Variants in ABHD2 observed in about 807,000 individuals in gnomAD.
ABHD2 encodes abhydrolase domain containing 2, acylglycerol lipase.
Under a neutral mutation model 48.1 loss-of-function variants are expected in ABHD2, and 20 were observed. That is an observed-to-expected ratio of 0.42 (90% CI 0.29 to 0.60). The LOEUF is 0.60. Ranked by LOEUF, ABHD2 falls within the 20% of genes least tolerant of loss-of-function variation. ABHD2 has a pLI of 0.24. For synonymous variants in ABHD2, 209 were observed against 214.2 expected, an observed-to-expected ratio of 0.98 and a Z score of 0.21; for missense variants, 405 against 550.9, an observed-to-expected ratio of 0.74 and a Z score of 2.65.
chr15:89,056,598 G>A, the ABHD2 span, among the ~76,000 whole-genome samples: 6 of 151,906 alleles, frequency 3.9e-5, no homozygotes, highest in African/African-American at 1.2e-4. Context: ...AGCCGAGTTC[G>A]CACCACTGCA....
intron 3 of ABHD2, among the ~76,000 whole-genome samples, chr15:89,122,825 G>C (rs11637307): frequency 0.33 from 49,722 of 152,136 alleles, 8,766 homozygotes; most frequent in Non-Finnish European, 0.4. Context: ...GCCAGTATGG[G>C]CTGTCTTATA....
rs563125433 is a variant in ABHD2, at chr15:89,197,920, C to A, written c.*2497C>A. 6.6e-6 allele frequency: 1 copy of A among 152,318 alleles called. No individual in the cohort carries two copies. The highest frequency in any genetic ancestry group is 1.5e-5 in the Non-Finnish European group (1 of 68,044). 9.4% of individuals were successfully genotyped at this position (152,318 alleles called of 1,614,324 possible). ...AAGCCCTTTGTTCAAGCTTCAGGCT[C>A]TTAGGCATGGAAATGAGAATGTGAC... On this transcript the variant is annotated 3_prime_UTR_variant, in exon 11 of 11. Coordinates refer to ENST00000352732, the MANE Select transcript of ABHD2 (RefSeq NM_152924.5). The surrounding 1 kb of genome is among the most constrained non-coding windows in gnomAD (Gnocchi z 4.4).
intron 1 of ABHD2, among the ~76,000 whole-genome samples, chr15:89,103,393 C>T (rs1459376593): frequency 6.6e-6 from 1 of 152,150 alleles, no homozygotes; most frequent in African/African-American, 2.4e-5. Context: ...CCTTCAGTTA[C>T]ACGTAAAGTA....
intron 3 of ABHD2, among the ~76,000 whole-genome samples, chr15:89,122,025 C>G (rs1297815929): frequency 6.6e-6 from 1 of 152,090 alleles, no homozygotes; most frequent in Non-Finnish European, 1.5e-5. Context: ...AGACAGAGCC[C>G]CATTATGTTG....
chr15:89,185,206 G>A lies in ABHD2; in HGVS notation c.723-218G>A, dbSNP rs2051185606. 6.6e-6 allele frequency among the ~76,000 whole-genome samples: 1 copy of A among 152,232 alleles called. No individual in the cohort carries two copies. The highest frequency in any genetic ancestry group is 1.5e-5 in the Non-Finnish European group (1 of 68,034). ...GCCTCTGGCGCTAGAGAGGGCCTTT[G>A]CCGGGGTCCCCTTCCCCTGCGCTGT... On this transcript the variant is annotated intron_variant, in intron 6 of 10. Coordinates refer to ENST00000352732, the MANE Select transcript of ABHD2 (RefSeq NM_152924.5). This position sits in a 1 kb window ranked among gnomAD's most constrained non-coding sequence, Gnocchi z 5.9.
the ABHD2 span, among the ~76,000 whole-genome samples, chr15:89,059,184 C>G: frequency 5.3e-5 from 8 of 152,272 alleles, no homozygotes; most frequent in Middle Eastern, 3.4e-3. Flanking sequence ...CTCTGCTGTA[C>G]CTGGTCACAG....
At chr15:89,191,559 T>C (rs760942435) in intron 9 of ABHD2, among the ~76,000 whole-genome samples, 22 of 152,160 alleles carry the variant, frequency 1.4e-4, no homozygotes, top group Non-Finnish European at 2.8e-4. Flanking sequence ...CCTGCCATGA[T>C]CTGGTAAGCA....
intron 3 of ABHD2, among the ~76,000 whole-genome samples, chr15:89,118,192 T>G (rs1018418305): frequency 6.7e-6 from 1 of 148,958 alleles, no homozygotes; most frequent in Admixed American, 6.8e-5. Flanking sequence ...TTTTTCTTTC[T>G]TTTTTTTTTG....
rs1350068519 is a variant in ABHD2, at chr15:89,176,857, T to C, written c.722+862T>C. Among the ~76,000 whole-genome samples, 1 of 152,258 alleles carries C rather than the reference T, an allele frequency of 6.6e-6. No individual in the cohort carries two copies. Among genetic ancestry groups the C allele is most frequent in the East Asian group, 1.9e-4 (1 of 5,208 alleles). ...AAAACACCTCCCTATTGATCCAGTCTAATGCCAAACAGTCCTTATCGTTAT... is the reference window on the plus strand; with the variant it reads ...AAAACACCTCCCTATTGATCCAGTCCAATGCCAAACAGTCCTTATCGTTAT... On this transcript the variant is annotated intron_variant, in intron 6 of 10. Transcript: ENST00000352732. This position sits in a 1 kb window ranked among gnomAD's most constrained non-coding sequence, Gnocchi z 4.5.
At chr15:89,101,993 C>T (rs28607316) in intron 1 of ABHD2, among the ~76,000 whole-genome samples, 5,315 of 152,268 alleles carry the variant, frequency 0.035, 309 homozygotes, top group African/African-American at 0.12. Flanking sequence ...AAGGCAGCAC[C>T]TGTGTAGCGT....
intron 3 of ABHD2, among the ~76,000 whole-genome samples, chr15:89,131,218 C>T (rs1344550654): frequency 6.6e-6 from 1 of 152,226 alleles, no homozygotes; most frequent in African/African-American, 2.4e-5. Flanking sequence ...CTCGCTCCTT[C>T]TTCCCTATAT....
At chr15:89,077,888 C>A in the ABHD2 span, among the ~76,000 whole-genome samples, 6 of 152,258 alleles carry the variant, frequency 3.9e-5, no homozygotes, top group South Asian at 6.2e-4. Flanking sequence ...GCTTTTGCAA[C>A]GTGTTACCTA....
At position 89,104,458 on chromosome 15, in the gene ABHD2, T is replaced by C. The variant is rs898788439; in HGVS notation, c.-106-9267T>C. On this transcript the variant is annotated intron_variant, in intron 1 of 10. Coordinates refer to ENST00000352732, the MANE Select transcript of ABHD2 (RefSeq NM_152924.5). This position sits in a 1 kb window ranked among gnomAD's most constrained non-coding sequence, Gnocchi z 4.4. ...GTGAAATGCAAGACTGTTAGAGTGA[T>C]AATGGGCTGCACGTGTTAATGCTGT... Among the ~76,000 whole-genome samples, 37 of 152,306 alleles carry C rather than the reference T, an allele frequency of 2.4e-4. No homozygotes were observed. The highest frequency in any genetic ancestry group is 8.9e-4 in the African/African-American group (37 of 41,562).
chr15:89,155,313 A>G lies in ABHD2; in HGVS notation c.371-54A>G, dbSNP rs1045873421. The G allele has an allele frequency of 1.9e-6, 3 of 1,564,282 alleles. No homozygotes were observed. The highest frequency in any genetic ancestry group is 2.6e-6 in the Non-Finnish European group (3 of 1,141,926). On this transcript the variant is annotated intron_variant, in intron 4 of 10. Transcript: ENST00000352732. This position sits in a 1 kb window ranked among gnomAD's most constrained non-coding sequence, Gnocchi z 4.9. ...AGACCAGTGAAGTGTAATTATGTCC[A>G]TTTATCATGTCACATTTCTTGGATA...
At chr15:89,057,848 G>A in the ABHD2 span, among the ~76,000 whole-genome samples, 11 of 151,806 alleles carry the variant, frequency 7.2e-5, no homozygotes, top group Non-Finnish European at 1.6e-4. Flanking sequence ...CTAAGAAAAC[G>A]AAGATAGATT....
chr15:89,181,198 C>T (rs1176127285), intron 6 of ABHD2, among the ~76,000 whole-genome samples: 2 of 127,316 alleles, frequency 1.6e-5, no homozygotes, highest in African/African-American at 6.1e-5. Context: ...TACTGCACTC[C>T]AGCCTGGGGG....
rs1225731907 is a variant in ABHD2, at chr15:89,189,608, T to C, written c.926+1305T>C. 6.6e-6 allele frequency among the ~76,000 whole-genome samples: 1 copy of C among 152,216 alleles called. No homozygotes were observed. Among genetic ancestry groups the C allele is most frequent in the Admixed American group, 6.5e-5 (1 of 15,282 alleles). On this transcript the variant is annotated intron_variant, in intron 8 of 10. Coordinates refer to ENST00000352732, the MANE Select transcript of ABHD2 (RefSeq NM_152924.5). This position sits in a 1 kb window ranked among gnomAD's most constrained non-coding sequence, Gnocchi z 4.9. The stretch of plus-strand genomic sequence containing the variant: ...TGACCTAAGGGTATAGGATCTCTGC[T>C]TTGCTTCCTTATGAGATTTTAGTAG...
chr15:89,157,756 T>C (rs1268810600), intron 5 of ABHD2, among the ~76,000 whole-genome samples: 1 of 151,846 alleles, frequency 6.6e-6, no homozygotes, highest in Non-Finnish European at 1.5e-5. Context: ...GGCAGGAGAA[T>C]GGCGTGAACC....
the ABHD2 span, among the ~76,000 whole-genome samples, chr15:89,042,598 AT>A: frequency 1.3e-5 from 1 of 77,054 alleles, no homozygotes; most frequent in Admixed American, 1.3e-4. Context: ...TTATTTATTT[AT>A]TTATTTATTT....
Sources: allele counts gnomAD v4.1 joint callset (sites outside exome capture counted in the v4.1 genomes callset), GRCh38; gene constraint gnomAD v4.1.1; non-coding constraint Gnocchi (gnomAD v3.1); transcripts MANE v1.5; gene names NCBI Gene and HGNC (gene_info 2026-07-23, HGNC 2026-07-21).